CDYL2: variants seen among roughly 807,000 people sequenced by gnomAD.
The protein encoded by CDYL2 is chromodomain Y like 2, also known as chromodomain Y-like protein 2.
In CDYL2, 23 loss-of-function variants were observed where a neutral mutation model predicts 49.4. The ratio of observed to expected loss-of-function variants is 0.47; its 90% CI spans 0.34 to 0.66. CDYL2 has a LOEUF of 0.66. Ranked by LOEUF, CDYL2 falls within the 30% of genes least tolerant of loss-of-function variation. CDYL2 has a pLI of 0.01. For missense variants in CDYL2, 678 were observed against 656.4 expected (o/e 1.03, Z -0.36); for synonymous variants, 360 against 268.8 (o/e 1.34, Z -3.32).
At chr16:80,675,925 A>C (rs1909725690) in intron 2 of CDYL2, among the ~76,000 whole-genome samples, 3 of 152,134 alleles carry the variant, frequency 2.0e-5, no homozygotes, top group Admixed American at 2.0e-4. Context: ...AGGGAGGAAA[A>C]CGACAGCTGA....
chr16:80,743,820 GA>G (rs1905833412), intron 1 of CDYL2, among the ~76,000 whole-genome samples: 1 of 152,086 alleles, frequency 6.6e-6, no homozygotes, highest in African/African-American at 2.4e-5. Flanking sequence ...AGTAAGAACT[GA>G]AAGCAACATC....
rs1469355627 is a variant in CDYL2 at position 80,778,209 on chromosome 16, A to G, written c.24+25941T>C. Among the ~76,000 whole-genome samples the G allele has an allele frequency of 2.0e-5, 3 of 152,048 alleles. No homozygotes were observed. In the East Asian group the frequency reaches 5.8e-4, roughly 29 times the overall value. The stretch of plus-strand genomic sequence containing the variant: ...ATATCAATAGCCACTTCTTTAATTC[A>G]TGGTGAAACAAAAAGCAGTTTTATT... On this transcript the variant is annotated intron_variant, in intron 1 of 6. Transcript: ENST00000570137.
In CDYL2 at chr16:80,604,550, G is replaced by C. The variant is rs376828580; in HGVS notation, c.1363-4C>G. The C allele has an allele frequency of 3.7e-6, 6 of 1,614,200 alleles. No individual in the cohort carries two copies. In the African/African-American group the frequency reaches 4.0e-5, roughly 11 times the overall value. On this transcript the variant is annotated splice_region_variant and splice_polypyrimidine_tract_variant and intron_variant, in intron 6 of 6. Coordinates refer to ENST00000570137, the MANE Select transcript of CDYL2 (RefSeq NM_152342.4). ...GGCATTTGGACTCCTCTAACACCTA[G>C]AGGGAAATAGACAGGCCTGATTAGC...
chr16:80,672,346 C>CAG (rs1392297902), intron 2 of CDYL2, among the ~76,000 whole-genome samples: 15 of 125,872 alleles, frequency 1.2e-4, no homozygotes, highest in African/African-American at 3.9e-4. Context: ...CACACACACA[C>CAG]ACACACAGAG....
At chr16:80,758,789 G>A (rs995073408) in intron 1 of CDYL2, among the ~76,000 whole-genome samples, 3 of 151,532 alleles carry the variant, frequency 2.0e-5, no homozygotes, top group Admixed American at 6.6e-5. Context: ...TGATCCGCCC[G>A]CCTCTGCCTC....
rs1352548710 is a variant in CDYL2 at position 80,601,348 on chromosome 16, G to C, written c.*3040C>G. On this transcript the variant is annotated 3_prime_UTR_variant, in exon 7 of 7. Transcript: ENST00000570137. The stretch of plus-strand genomic sequence containing the variant: ...TGCTAGAAAGGTCCCTGACTAAAGA[G>C]GTGTCCTCAATTGCCCACCCACAGC... 6.6e-6 allele frequency: 1 copy of C among 152,160 alleles called. No homozygotes were observed. The highest frequency in any genetic ancestry group is 2.4e-5 in the African/African-American group (1 of 41,420). 9.4% of individuals were successfully genotyped at this position (152,160 alleles called of 1,614,324 possible).
At chr16:80,718,316 G>C (rs1904881332) in intron 1 of CDYL2, among the ~76,000 whole-genome samples, 1 of 152,172 alleles carries the variant, frequency 6.6e-6, no homozygotes, top group Non-Finnish European at 1.5e-5. Flanking sequence ...CTTGTTTAAA[G>C]ATGGATGGCA....
intron 1 of CDYL2, among the ~76,000 whole-genome samples, chr16:80,718,520 G>C (rs1904887503): frequency 6.6e-6 from 1 of 152,194 alleles, no homozygotes; most frequent in African/African-American, 2.4e-5. Flanking sequence ...TGATGCCTAA[G>C]ATCTGCATCA....
intron 2 of CDYL2, among the ~76,000 whole-genome samples, chr16:80,637,912 C>T (rs1026099131): frequency 6.6e-6 from 1 of 152,088 alleles, no homozygotes; most frequent in African/African-American, 2.4e-5. Flanking sequence ...AATGTTAAAA[C>T]TTTAAAAAAT....
At chr16:80,605,152 G>A (rs1296898464) in intron 6 of CDYL2, among the ~76,000 whole-genome samples, 1 of 151,880 alleles carries the variant, frequency 6.6e-6, no homozygotes, top group African/African-American at 2.4e-5. Context: ...GAGTAATAAT[G>A]ATCATAGTAA....
At chr16:80,772,781 C>G (rs1906950259) in intron 1 of CDYL2, among the ~76,000 whole-genome samples, 1 of 151,826 alleles carries the variant, frequency 6.6e-6, no homozygotes, top group African/African-American at 2.4e-5. Flanking sequence ...GAATTTAACT[C>G]AAGTATACAT....
At chr16:80,654,245 C>T (rs867223623) in intron 2 of CDYL2, among the ~76,000 whole-genome samples, 7 of 152,238 alleles carry the variant, frequency 4.6e-5, no homozygotes, top group South Asian at 4.1e-4. Flanking sequence ...AAGCCCAGCC[C>T]GGGAAGCCAA....
chr16:80,793,109 C>T (rs1342750090), intron 1 of CDYL2, among the ~76,000 whole-genome samples: 1 of 152,216 alleles, frequency 6.6e-6, no homozygotes, highest in Non-Finnish European at 1.5e-5. Context: ...ACACAGTTCT[C>T]CATTCCAGAG....
At chr16:80,671,253 G>T (rs528700156) in intron 2 of CDYL2, among the ~76,000 whole-genome samples, 1 of 152,178 alleles carries the variant, frequency 6.6e-6, no homozygotes, top group Non-Finnish European at 1.5e-5. Flanking sequence ...GTTTAAAGAG[G>T]GTGGTACAGA....
intron 1 of CDYL2, among the ~76,000 whole-genome samples, chr16:80,732,555 G>T (rs551714154): frequency 6.6e-6 from 1 of 152,268 alleles, no homozygotes; most frequent in East Asian, 1.9e-4. Context: ...GTTATGTCTG[G>T]GAGATGTCTG....
intron 1 of CDYL2, among the ~76,000 whole-genome samples, chr16:80,716,787 GGAT>G (rs1345027625): frequency 5.9e-5 from 9 of 152,054 alleles, no homozygotes; most frequent in African/African-American, 2.2e-4. Flanking sequence ...ATGACTGGAT[GGAT>G]GATAATGGAG....
intron 1 of CDYL2, among the ~76,000 whole-genome samples, chr16:80,774,575 T>C (rs1027829387): frequency 6.6e-6 from 1 of 152,204 alleles, no homozygotes; most frequent in African/African-American, 2.4e-5. Flanking sequence ...AAAAGATAAA[T>C]TGGTGAGGTA....
chr16:80,769,454 G>A (rs1906834211), intron 1 of CDYL2, among the ~76,000 whole-genome samples: 1 of 152,200 alleles, frequency 6.6e-6, no homozygotes. Flanking sequence ...ATCCCTTAGT[G>A]TTGGCCAAAT....
intron 2 of CDYL2, among the ~76,000 whole-genome samples, chr16:80,674,769 A>T (rs1909673671): frequency 6.6e-6 from 1 of 152,218 alleles, no homozygotes; most frequent in African/African-American, 2.4e-5. Context: ...ATTGCTCTTT[A>T]TGACTGAATA....
Sources: gnomAD v4.1 joint callset for allele counts (sites outside exome capture counted in the v4.1 genomes callset) on GRCh38, gnomAD v4.1.1 for gene constraint, MANE v1.5 for transcripts, NCBI Gene and HGNC (gene_info 2026-07-23, HGNC 2026-07-21) for gene names.